ACER3: variants seen among roughly 807,000 people sequenced by gnomAD.
ACER3 encodes the protein alkaline ceramidase 3, also known as alkCDase 3.
A neutral mutation model predicts 48.9 loss-of-function variants in ACER3; 16 were observed. The ratio of observed to expected loss-of-function variants is 0.33; its 90% CI spans 0.22 to 0.50. The LOEUF is 0.50. Among genes scored for constraint, ACER3 ranks in the 20% least tolerant of loss-of-function variants. The pLI, the probability that ACER3 is intolerant of heterozygous loss-of-function variation, is 0.98. For synonymous variants in ACER3, 109 were observed against 107.8 expected (o/e 1.01, Z -0.07); for missense variants, 227 against 326.0 (o/e 0.70, Z 2.34).
chr11:76,947,891 AG>A (rs1947517946), intron 2 of ACER3, among the ~76,000 whole-genome samples: 1 of 152,208 alleles, frequency 6.6e-6, no homozygotes, highest in Non-Finnish European at 1.5e-5. Flanking sequence ...ACCCACGGAC[AG>A]GACCAATCAG....
At chr11:76,907,682 C>T (rs1032868912) in intron 1 of ACER3, among the ~76,000 whole-genome samples, 1 of 151,786 alleles carries the variant, frequency 6.6e-6, no homozygotes, top group African/African-American at 2.4e-5. Flanking sequence ...CTAGCCTGGC[C>T]AACACAGTGA....
intron 1 of ACER3, among the ~76,000 whole-genome samples, chr11:76,894,071 G>A (rs368375824): frequency 1.6e-4 from 25 of 152,216 alleles, no homozygotes; most frequent in African/African-American, 5.1e-4. Flanking sequence ...TGGAAGGATC[G>A]CTTGAGCCCA....
At chr11:76,986,992 G>A (rs557190944) in intron 5 of ACER3, among the ~76,000 whole-genome samples, 9 of 152,282 alleles carry the variant, frequency 5.9e-5, no homozygotes, top group African/African-American at 1.4e-4. Context: ...CTTGAACCCC[G>A]GAGGCGGAGG....
At chr11:76,978,074 A>G (rs1948490401) in intron 4 of ACER3, among the ~76,000 whole-genome samples, 2 of 152,172 alleles carry the variant, frequency 1.3e-5, no homozygotes, top group Non-Finnish European at 2.9e-5. Flanking sequence ...GACTGAGGGC[A>G]GCTTGGTGTG....
intron 1 of ACER3, among the ~76,000 whole-genome samples, chr11:76,900,430 A>G (rs1946050195): frequency 6.6e-6 from 1 of 152,216 alleles, no homozygotes; most frequent in African/African-American, 2.4e-5. Flanking sequence ...ATGTTTCTAT[A>G]TGATAACAGT....
intron 1 of ACER3, among the ~76,000 whole-genome samples, chr11:76,909,536 T>C (rs1185795283): frequency 6.6e-6 from 1 of 152,182 alleles, no homozygotes; most frequent in Non-Finnish European, 1.5e-5. Flanking sequence ...TCATCACCGG[T>C]CATTAGAGAA....
intron 2 of ACER3, among the ~76,000 whole-genome samples, chr11:76,948,124 A>G (rs1947522521): frequency 6.6e-6 from 1 of 152,162 alleles, no homozygotes. Context: ...ATTATTTTCT[A>G]AGAAAAAAGG....
At chr11:76,908,934 T>C (rs1946302844) in intron 1 of ACER3, among the ~76,000 whole-genome samples, 1 of 151,948 alleles carries the variant, frequency 6.6e-6, no homozygotes, top group Non-Finnish European at 1.5e-5. Context: ...TATAGACCAA[T>C]GGAACAGAAC....
At chr11:76,959,143 G>A in intron 3 of ACER3, 112 bp downstream of exon 3, 2 of 1,566,296 alleles carry the variant, frequency 1.3e-6, no homozygotes, top group Non-Finnish European at 1.7e-6. Flanking sequence ...AATCTCTGGA[G>A]TTTTTTACTT....
At chr11:77,006,407 C>T (rs1555021044) in intron 7 of ACER3, among the ~76,000 whole-genome samples, 1 of 152,118 alleles carries the variant, frequency 6.6e-6, no homozygotes, top group African/African-American at 2.4e-5. Flanking sequence ...TGTCCTCCCA[C>T]ATTTATACTC....
intron 3 of ACER3, among the ~76,000 whole-genome samples, chr11:76,961,758 A>T (rs1390320367): frequency 6.7e-6 from 1 of 148,708 alleles, no homozygotes; most frequent in Non-Finnish European, 1.5e-5. Flanking sequence ...TAATATGGGA[A>T]ATCTGAGTCC....
At chr11:76,923,587 T>C (rs1043357424) in intron 1 of ACER3, among the ~76,000 whole-genome samples, 3 of 152,244 alleles carry the variant, frequency 2.0e-5, no homozygotes, top group African/African-American at 7.2e-5. Context: ...GAATAACTTT[T>C]GTATTAGTAT....
chr11:77,010,893 TAC>T (rs1555022033), intron 7 of ACER3, among the ~76,000 whole-genome samples: 1 of 152,158 alleles, frequency 6.6e-6, no homozygotes. Context: ...ATCAGTAAAA[TAC>T]AGAGAAAAAT....
At chr11:77,006,053 G>A (rs1481208240) in intron 7 of ACER3, among the ~76,000 whole-genome samples, 3 of 135,366 alleles carry the variant, frequency 2.2e-5, no homozygotes, top group South Asian at 2.4e-4. Flanking sequence ...GCAGTGGCGC[G>A]ATCTTGGCTC....
At chr11:76,868,433 A>G (rs1008781801) in intron 1 of ACER3, among the ~76,000 whole-genome samples, 8 of 123,468 alleles carry the variant, frequency 6.5e-5, no homozygotes, top group Admixed American at 8.4e-5. Flanking sequence ...GTGTGTGTGT[A>G]TAGCCCATGG....
chr11:76,906,105 G>A (rs1000369522), intron 1 of ACER3, among the ~76,000 whole-genome samples: 3 of 152,156 alleles, frequency 2.0e-5, no homozygotes, highest in African/African-American at 7.2e-5. Flanking sequence ...GCTAACCATG[G>A]GAGGAATTTC....
At chr11:76,875,736 T>G (rs1945359683) in intron 1 of ACER3, among the ~76,000 whole-genome samples, 3 of 118,798 alleles carry the variant, frequency 2.5e-5, no homozygotes, top group African/African-American at 1.4e-4. Flanking sequence ...TTTGTTGTTT[T>G]TTTTTTTTTT....
chr11:76,922,536 G>A (rs1343726951), intron 1 of ACER3, among the ~76,000 whole-genome samples: 1 of 151,944 alleles, frequency 6.6e-6, no homozygotes, highest in Non-Finnish European at 1.5e-5. Context: ...ACTCTACCTA[G>A]GCAAATTACT....
intron 9 of ACER3, 98 bp from the exon 10 acceptor site, chr11:77,019,633 G>A (rs1555023987): frequency 1.3e-5 from 15 of 1,169,642 alleles, no homozygotes; most frequent in African/African-American, 6.1e-5. Context: ...TTTTTGCTTC[G>A]TACATGCAGA....
Sources: gnomAD v4.1 joint callset for allele counts (sites outside exome capture counted in the v4.1 genomes callset) on GRCh38, gnomAD v4.1.1 for gene constraint, MANE v1.5 for transcripts, NCBI Gene and HGNC (gene_info 2026-07-23, HGNC 2026-07-21) for gene names.